The following ZNF143 variants were observed in gnomAD, a reference collection of about 807,000 sequenced individuals.
ZNF143 encodes the protein SPH-binding factor.
Under a neutral mutation model 74.1 loss-of-function variants are expected in ZNF143, and 49 were observed. That is an observed-to-expected ratio of 0.66 (90% CI 0.53 to 0.84). The LOEUF is 0.84. Ranked by LOEUF, ZNF143 falls within the 40% of genes least tolerant of loss-of-function variation. The pLI is 0.00. For synonymous variants in ZNF143, 304 were observed against 282.8 expected (o/e 1.07, Z -0.75); for missense variants, 637 against 793.4 (o/e 0.80, Z 2.37).
At chr11:9,492,658 C>G (rs1847825411) in intron 7 of ZNF143, among the ~76,000 whole-genome samples, 1 of 151,940 alleles carries the variant, frequency 6.6e-6, no homozygotes, top group East Asian at 1.9e-4. Flanking sequence ...TTAAAAATAC[C>G]CCTGAAAAGA....
chr11:9,471,878 G>C (rs1214897944), intron 2 of ZNF143, among the ~76,000 whole-genome samples: 1 of 149,024 alleles, frequency 6.7e-6, no homozygotes, highest in Non-Finnish European at 1.5e-5. Context: ...ATCTTGGTGT[G>C]GGTACAGGAG....
chr11:9,503,052 C>T (rs1589920459), intron 11 of ZNF143, among the ~76,000 whole-genome samples: 1 of 152,072 alleles, frequency 6.6e-6, no homozygotes, highest in South Asian at 2.1e-4. Context: ...AGGACGGTCT[C>T]GATCTCCTGA....
rs566908790 is a variant in ZNF143 at position 9,467,862 on chromosome 11, A to G, written c.-7-3440A>G. On this transcript the variant is annotated intron_variant, in intron 1 of 15. Transcript: ENST00000396602. ...TCCATCTCCAAAAAAAAAAAAAAAA[A>G]AAAAGTTGTCTGTCAGGAATTCCTT... 1.0e-3 allele frequency among the ~76,000 whole-genome samples: 157 copies of G among 151,800 alleles called. 1 individual carries two copies. The highest frequency in any genetic ancestry group is 3.5e-3 in the African/African-American group (144 of 41,460).
chr11:9,506,455 A>T (rs1425111904), intron 11 of ZNF143, among the ~76,000 whole-genome samples: 1 of 152,242 alleles, frequency 6.6e-6, no homozygotes, highest in African/African-American at 2.4e-5. Context: ...GGCCATACTG[A>T]TGTCTTTGGA....
At chr11:9,476,704 G>A (rs922665328) in intron 5 of ZNF143, among the ~76,000 whole-genome samples, 1 of 128,980 alleles carries the variant, frequency 7.8e-6, no homozygotes, top group Non-Finnish European at 1.6e-5. Context: ...GACATAACAC[G>A]TTTTAGAAAG....
intron 11 of ZNF143, among the ~76,000 whole-genome samples, chr11:9,502,241 C>CTTTTT (rs1183629630): frequency 3.7e-4 from 21 of 56,968 alleles, no homozygotes; most frequent in African/African-American, 4.2e-4. Flanking sequence ...TGGCCATATT[C>CTTTTT]TTTTTTTTTT....
chr11:9,490,149 A>G (rs1228476110), intron 7 of ZNF143, among the ~76,000 whole-genome samples: 2 of 152,114 alleles, frequency 1.3e-5, no homozygotes, highest in African/African-American at 2.4e-5. Flanking sequence ...GTGCGACTGT[A>G]CTATAGCCTG....
chr11:9,500,464 C>T (rs1035250586), intron 10 of ZNF143, among the ~76,000 whole-genome samples: 12 of 151,584 alleles, frequency 7.9e-5, no homozygotes, highest in African/African-American at 2.9e-4. Context: ...GATGGAGTCT[C>T]GCTCTGTCGC....
chr11:9,500,493 G>A (rs932663012), intron 10 of ZNF143, among the ~76,000 whole-genome samples: 3 of 151,942 alleles, frequency 2.0e-5, no homozygotes, highest in African/African-American at 7.2e-5. Context: ...GAGTGCAACG[G>A]TGTAATCTCG....
chr11:9,509,890 C>A (rs371980703), intron 12 of ZNF143, among the ~76,000 whole-genome samples: 2 of 151,220 alleles, frequency 1.3e-5, no homozygotes, highest in East Asian at 3.9e-4. Context: ...GGAATAAGTT[C>A]TGGAGATCTG....
chr11:9,462,403 C>CA (rs1855919105), intron 1 of ZNF143, among the ~76,000 whole-genome samples: 1 of 151,794 alleles, frequency 6.6e-6, no homozygotes, highest in East Asian at 1.9e-4. Flanking sequence ...CATGTTTCTA[C>CA]AAAAAAAATT....
chr11:9,502,984 C>A (rs913923372), intron 11 of ZNF143, among the ~76,000 whole-genome samples: 1 of 152,094 alleles, frequency 6.6e-6, no homozygotes. Context: ...GCGCCTGCCA[C>A]CATGCCTGGC....
chr11:9,498,117 A>T (rs1056086038), intron 10 of ZNF143, among the ~76,000 whole-genome samples: 23 of 152,256 alleles, frequency 1.5e-4, no homozygotes, highest in African/African-American at 5.1e-4. Context: ...GGCGTGAGCC[A>T]CCGCGCCCGG....
At chr11:9,525,191 A>G (rs1849080717) in intron 14 of ZNF143, 49 bp from the exon 15 acceptor site, 1 of 1,608,034 alleles carries the variant, frequency 6.2e-7, no homozygotes, top group Admixed American at 1.7e-5. Context: ...ACCTATTTAA[A>G]TCGCAGGTTT....
At position 9,523,614 on chromosome 11, in the gene ZNF143, G is replaced by A. The variant is rs186729205; in HGVS notation, c.1687-1626G>A. 7.3e-3 allele frequency among the ~76,000 whole-genome samples: 1,106 copies of A among 152,072 alleles called. 15 individuals are homozygous for A. The highest frequency in any genetic ancestry group is 0.025 in the African/African-American group (1,048 of 41,484). On this transcript the variant is annotated intron_variant, in intron 14 of 15. Transcript: ENST00000396602. Reference sequence around the variant, plus strand: ...CTGGGCGTGATGGCGGGCGCCTGTAGTCCCAGCTACTCGGGAGGCTGAGGC... The same window carrying A: ...CTGGGCGTGATGGCGGGCGCCTGTAATCCCAGCTACTCGGGAGGCTGAGGC...
At chr11:9,462,790 G>A (rs1383132747) in intron 1 of ZNF143, among the ~76,000 whole-genome samples, 2 of 151,898 alleles carry the variant, frequency 1.3e-5, no homozygotes, top group Non-Finnish European at 2.9e-5. Flanking sequence ...CAGGAGAATC[G>A]CTTGAACCCA....
At chr11:9,476,143 T>C (rs936708401) in intron 5 of ZNF143, among the ~76,000 whole-genome samples, 1 of 152,102 alleles carries the variant, frequency 6.6e-6, no homozygotes, top group South Asian at 2.1e-4. Flanking sequence ...ACTATGTATA[T>C]TCAAAGCTAC....
In ZNF143 at chr11:9,491,637, CA is replaced by C. The variant is rs879318585; in HGVS notation, c.646-2997del. 1.7e-3 allele frequency among the ~76,000 whole-genome samples: 235 copies of C among 137,510 alleles called. 1 individual carries two copies. Among genetic ancestry groups the C allele is most frequent in the Middle Eastern group, 7.1e-3 (2 of 282 alleles). The allele number at this position is 137,510 out of a possible 152,430, so 90.2% of individuals were successfully genotyped here. A position where few individuals can be genotyped will look rare whatever the true frequency, so the allele number is the denominator to read the frequency against. ...TGGGGAACAGAGTGAGACTCCGTCT[CA>C]AAAAAAAAAAAGACAGGTGTCTCAC... On this transcript the variant is annotated intron_variant, in intron 7 of 15. Coordinates refer to ENST00000396602, the MANE Select transcript of ZNF143 (RefSeq NM_003442.6).
intron 7 of ZNF143, among the ~76,000 whole-genome samples, chr11:9,482,501 A>T (rs1471606659): frequency 6.6e-6 from 1 of 150,876 alleles, no homozygotes; most frequent in East Asian, 1.9e-4. Context: ...CGATCTCCTG[A>T]CCTCATGATC....
Sources: allele counts gnomAD v4.1 joint callset (sites outside exome capture counted in the v4.1 genomes callset), GRCh38; gene constraint gnomAD v4.1.1; transcripts MANE v1.5; gene names NCBI Gene and HGNC (gene_info 2026-07-23, HGNC 2026-07-21).